RALGPS2: variants seen among roughly 807,000 people sequenced by gnomAD.
The protein encoded by RALGPS2 is Ral GEF with PH domain and SH3 binding motif 2.
In RALGPS2, 43 loss-of-function variants were observed where a neutral mutation model predicts 86.8. The ratio of observed to expected loss-of-function variants is 0.50; its 90% CI spans 0.39 to 0.64. RALGPS2 has a LOEUF of 0.64. Among genes scored for constraint, RALGPS2 ranks in the 30% least tolerant of loss-of-function variants. RALGPS2 has a pLI of 0.00. For synonymous variants in RALGPS2, 243 were observed against 231.3 expected (o/e 1.05, Z -0.46); for missense variants, 536 against 694.6 (o/e 0.77, Z 2.57).
chr1:178,768,311 C>G (rs1244305038), intron 1 of RALGPS2, among the ~76,000 whole-genome samples: 2 of 152,132 alleles, frequency 1.3e-5, no homozygotes, highest in Non-Finnish European at 2.9e-5. Context: ...GACATTGGCA[C>G]TTCAATTTTT....
chr1:178,835,414 A>G (rs1427141184), intron 8 of RALGPS2, among the ~76,000 whole-genome samples: 6 of 122,688 alleles, frequency 4.9e-5, no homozygotes, highest in Admixed American at 4.8e-4. Flanking sequence ...TTTTTTTGCG[A>G]CAGAGTCTCG....
intron 2 of RALGPS2, among the ~76,000 whole-genome samples, chr1:178,783,139 A>C (rs765437411): frequency 6.6e-6 from 1 of 152,222 alleles, no homozygotes; most frequent in East Asian, 1.9e-4. Context: ...TGGATAATAT[A>C]GGCAGGGATA....
At chr1:178,847,925 A>G (rs1332738003) in intron 8 of RALGPS2, among the ~76,000 whole-genome samples, 1 of 152,204 alleles carries the variant, frequency 6.6e-6, no homozygotes, top group Non-Finnish European at 1.5e-5. Context: ...AATTTTTAAA[A>G]TCTGCTTCAG....
chr1:178,736,430 T>C (rs1300773225), intron 1 of RALGPS2, among the ~76,000 whole-genome samples: 1 of 152,126 alleles, frequency 6.6e-6, no homozygotes, highest in African/African-American at 2.4e-5. Flanking sequence ...CCAAAAGTGC[T>C]GGGATTAAAG....
chr1:178,786,073 C>T (rs1382518170), intron 4 of RALGPS2, among the ~76,000 whole-genome samples: 1 of 152,046 alleles, frequency 6.6e-6, no homozygotes, highest in Non-Finnish European at 1.5e-5. Context: ...TCAGGGGAAG[C>T]GGATCATCAT....
chr1:178,811,124 T>C (rs897111832), intron 5 of RALGPS2, among the ~76,000 whole-genome samples, 191 bp from the exon 6 acceptor site: 24 of 152,098 alleles, frequency 1.6e-4, no homozygotes, highest in African/African-American at 4.6e-4. Context: ...AATCTTCACT[T>C]ATGATTCTAC....
At chr1:178,857,407 A>G (rs1460430295) in intron 8 of RALGPS2, among the ~76,000 whole-genome samples, 1 of 152,184 alleles carries the variant, frequency 6.6e-6, no homozygotes, top group African/African-American at 2.4e-5. Flanking sequence ...TTTTAGGCTC[A>G]AGGGATAAAG....
intron 7 of RALGPS2, among the ~76,000 whole-genome samples, chr1:178,828,425 C>T (rs1393813969): frequency 1.3e-5 from 2 of 152,090 alleles, no homozygotes; most frequent in African/African-American, 4.8e-5. Context: ...AGTTATAACA[C>T]GGTGGTATTT....
At chr1:178,739,457 T>G (rs1477993783) in intron 1 of RALGPS2, among the ~76,000 whole-genome samples, 1 of 152,204 alleles carries the variant, frequency 6.6e-6, no homozygotes. Context: ...GGAGTGGTCC[T>G]TAAGGAATGT....
intron 8 of RALGPS2, among the ~76,000 whole-genome samples, chr1:178,847,662 TA>T (rs1055726307): frequency 4.6e-5 from 7 of 152,240 alleles, no homozygotes; most frequent in Admixed American, 3.9e-4. Flanking sequence ...ATTACTTTAG[TA>T]CAGATTTATA....
At chr1:178,853,543 T>C in intron 8 of RALGPS2, 10 of 1,346,980 alleles carry the variant, frequency 7.4e-6, no homozygotes, top group Non-Finnish European at 9.9e-6. Context: ...TCTTGCATTA[T>C]TGCAAGAATG....
chr1:178,745,707 C>A (rs1572278829), intron 1 of RALGPS2, among the ~76,000 whole-genome samples: 1 of 150,962 alleles, frequency 6.6e-6, no homozygotes, highest in East Asian at 1.9e-4. Context: ...TATCTTGAGT[C>A]AAGCAAAATT....
At chr1:178,862,593 T>TTTATTTATTTATTTATTTA (rs1553272297) in intron 8 of RALGPS2, among the ~76,000 whole-genome samples, 1 of 140,656 alleles carries the variant, frequency 7.1e-6, no homozygotes, top group African/African-American at 2.7e-5. Flanking sequence ...GTTGCATTTT[T>TTTATTTATTTATTTATTTA]TTTATTTATT....
At chr1:178,762,372 A>G (rs1652288203) in intron 1 of RALGPS2, among the ~76,000 whole-genome samples, 1 of 152,156 alleles carries the variant, frequency 6.6e-6, no homozygotes, top group Non-Finnish European at 1.5e-5. Context: ...GTATATACTA[A>G]ATAGTGGGAT....
chr1:178,873,637 A>C (rs981751254), intron 8 of RALGPS2, among the ~76,000 whole-genome samples: 1 of 152,182 alleles, frequency 6.6e-6, no homozygotes, highest in Non-Finnish European at 1.5e-5. Flanking sequence ...GTACATGTGT[A>C]CTGGGAGATG....
intron 17 of RALGPS2, 26 bp downstream of exon 17, chr1:178,897,782 AG>A: frequency 6.3e-7 from 1 of 1,583,340 alleles, no homozygotes. Context: ...CTACATTTTT[AG>A]CGTGGTTTCC....
intron 1 of RALGPS2, among the ~76,000 whole-genome samples, chr1:178,745,271 G>A (rs2102030314): frequency 6.6e-6 from 1 of 152,244 alleles, no homozygotes; most frequent in South Asian, 2.1e-4. Context: ...AAATTGGCAA[G>A]CTGATTCTAA....
chr1:178,793,469 G>A (rs367627479), intron 4 of RALGPS2, among the ~76,000 whole-genome samples: 2 of 150,450 alleles, frequency 1.3e-5, no homozygotes, highest in Middle Eastern at 3.4e-3. Flanking sequence ...TGAACTCCTG[G>A]GCTCAAGTGA....
chr1:178,825,747 C>T (rs1406832783), intron 7 of RALGPS2, among the ~76,000 whole-genome samples: 1 of 152,158 alleles, frequency 6.6e-6, no homozygotes, highest in Non-Finnish European at 1.5e-5. Flanking sequence ...AATTTAGCTC[C>T]TTGATCATAC....
Sources: gnomAD v4.1 joint callset for allele counts (sites outside exome capture counted in the v4.1 genomes callset) on GRCh38, gnomAD v4.1.1 for gene constraint, MANE v1.5 for transcripts, NCBI Gene and HGNC (gene_info 2026-07-23, HGNC 2026-07-21) for gene names.